The following ASPRV1 variants were observed in gnomAD, a reference collection of about 807,000 sequenced individuals.
The protein encoded by ASPRV1 is aspartic peptidase retroviral like 1.
ASPRV1 carries 7 observed loss-of-function variants against 11.0 expected under a neutral mutation model. The ratio of observed to expected loss-of-function variants is 0.64; its 90% CI spans 0.36 to 1.20. The LOEUF is 1.20. Ranked by LOEUF, ASPRV1 falls within the 50% of genes most tolerant of loss-of-function variation. ASPRV1 has a pLI of 0.02. For synonymous variants in ASPRV1, 136 were observed against 138.4 expected, an observed-to-expected ratio of 0.98 and a Z score of 0.12; for missense variants, 299 against 320.0, an observed-to-expected ratio of 0.93 and a Z score of 0.50.
At chr2:69,977,978 G>C in the ASPRV1 span, among the ~76,000 whole-genome samples, 1 of 152,182 alleles carries the variant, frequency 6.6e-6, no homozygotes, top group East Asian at 1.9e-4. Flanking sequence ...TGAATGACAA[G>C]TGTGGGTATG....
chr2:70,023,086 G>T, the ASPRV1 span, among the ~76,000 whole-genome samples: 2 of 152,164 alleles, frequency 1.3e-5, no homozygotes, highest in African/African-American at 4.8e-5. Flanking sequence ...GCTAGAAAGA[G>T]AATAAGATCC....
At chr2:69,998,083 T>C in the ASPRV1 span, 1 of 151,124 alleles carries the variant, frequency 6.6e-6, no homozygotes, top group Non-Finnish European at 1.5e-5. Flanking sequence ...TACCCCTTTA[T>C]AAAGCCGAAA....
At chr2:70,021,372 G>A in the ASPRV1 span, among the ~76,000 whole-genome samples, 1 of 149,068 alleles carries the variant, frequency 6.7e-6, no homozygotes, top group Admixed American at 6.7e-5. Flanking sequence ...AGGCTGGAGT[G>A]CAGTGGCGTG....
the ASPRV1 span, among the ~76,000 whole-genome samples, chr2:69,972,677 T>C: frequency 0.22 from 33,350 of 152,012 alleles, 6,540 homozygotes; most frequent in African/African-American, 0.5. Context: ...TCGGTTTTCA[T>C]GAGTGTTCTG....
the ASPRV1 span, among the ~76,000 whole-genome samples, chr2:70,002,629 A>G: frequency 6.6e-6 from 1 of 152,252 alleles, no homozygotes; most frequent in African/African-American, 2.4e-5. Flanking sequence ...CCTCACATCC[A>G]GAGGCAAAGC....
At chr2:70,047,851 C>A in the ASPRV1 span, among the ~76,000 whole-genome samples, 1 of 152,136 alleles carries the variant, frequency 6.6e-6, no homozygotes, top group Non-Finnish European at 1.5e-5. Flanking sequence ...TGACTCATGC[C>A]TGTAATCCCA....
chr2:69,951,075 G>A, the ASPRV1 span, among the ~76,000 whole-genome samples: 32 of 152,042 alleles, frequency 2.1e-4, no homozygotes, highest in Admixed American at 7.2e-4. Flanking sequence ...AAAATACACC[G>A]TGTTTGACCT....
upstream of ASPRV1, chr2:69,963,636 C>T (rs1572877437): frequency 1.1e-5 from 4 of 361,964 alleles, no homozygotes; most frequent in East Asian, 7.4e-5. Context: ...TGTTGAATTC[C>T]GATCTCCCTA....
the ASPRV1 span, chr2:70,083,553 G>C: frequency 1.3e-5 from 2 of 152,180 alleles, no homozygotes; most frequent in Non-Finnish European, 2.9e-5. Context: ...GTCACTGAGA[G>C]GAGGCGAGTC....
chr2:69,993,004 C>A, the ASPRV1 span, among the ~76,000 whole-genome samples: 1 of 152,196 alleles, frequency 6.6e-6, no homozygotes, highest in Non-Finnish European at 1.5e-5. Context: ...CTAAGAAATA[C>A]CTGGCTTTTC....
At chr2:70,022,791 A>G in the ASPRV1 span, among the ~76,000 whole-genome samples, 1 of 152,186 alleles carries the variant, frequency 6.6e-6, no homozygotes, top group Non-Finnish European at 1.5e-5. Context: ...CAAACTTGCC[A>G]AGATGTATAC....
the ASPRV1 span, chr2:69,943,036 A>G: frequency 6.6e-6 from 1 of 151,950 alleles, no homozygotes. Context: ...TTTTCTTTTA[A>G]TTTAAGGGAA....
At chr2:70,027,112 G>A in the ASPRV1 span, among the ~76,000 whole-genome samples, 1 of 151,954 alleles carries the variant, frequency 6.6e-6, no homozygotes, top group Non-Finnish European at 1.5e-5. Flanking sequence ...TAAAAAATTA[G>A]CTGGGCGTGA....
the ASPRV1 span, among the ~76,000 whole-genome samples, chr2:70,067,395 C>T: frequency 6.6e-6 from 1 of 152,222 alleles, no homozygotes; most frequent in Non-Finnish European, 1.5e-5. Flanking sequence ...GTCTAGAGAT[C>T]TGGGCTGGAG....
the ASPRV1 span, among the ~76,000 whole-genome samples, chr2:69,999,582 G>T: frequency 6.7e-6 from 1 of 148,418 alleles, no homozygotes; most frequent in Admixed American, 6.8e-5. Flanking sequence ...CTTGAACACA[G>T]GAGGCAGAGG....
chr2:69,951,495 G>A, the ASPRV1 span, among the ~76,000 whole-genome samples: 348 of 131,842 alleles, frequency 2.6e-3, no homozygotes, highest in African/African-American at 9.1e-3. Flanking sequence ...ATATCTATAT[G>A]TATATTTATA....
At chr2:70,000,042 C>T in the ASPRV1 span, among the ~76,000 whole-genome samples, 1 of 152,210 alleles carries the variant, frequency 6.6e-6, no homozygotes, top group Non-Finnish European at 1.5e-5. Flanking sequence ...CCCTGCTGGC[C>T]TCCCTGCTTC....
At chr2:70,033,047 T>C in the ASPRV1 span, among the ~76,000 whole-genome samples, 1 of 152,104 alleles carries the variant, frequency 6.6e-6, no homozygotes, top group Non-Finnish European at 1.5e-5. Flanking sequence ...TTTTAAAAAC[T>C]CCCTGAACCT....
At chr2:69,999,288 TA>T in the ASPRV1 span, among the ~76,000 whole-genome samples, 23 of 144,272 alleles carry the variant, frequency 1.6e-4, no homozygotes, top group East Asian at 8.0e-4. Flanking sequence ...AGATTCAAAT[TA>T]AAAAAAAAAA....
Sources: gnomAD v4.1 joint callset for allele counts (sites outside exome capture counted in the v4.1 genomes callset) on GRCh38, gnomAD v4.1.1 for gene constraint, MANE v1.5 for transcripts, NCBI Gene and HGNC (gene_info 2026-07-23, HGNC 2026-07-21) for gene names.